Variants in NRDC observed in about 807,000 individuals in gnomAD.
NRDC encodes nardilysin convertase, also known as nardilysin.
NRDC carries 54 observed loss-of-function variants against 147.1 expected under a neutral mutation model. The ratio of observed to expected loss-of-function variants is 0.37; its 90% CI spans 0.29 to 0.46. The LOEUF is 0.46. NRDC is among the 20% of genes least tolerant of loss of function. The pLI, the probability that NRDC is intolerant of heterozygous loss-of-function variation, is 1.00. For synonymous variants in NRDC, 440 were observed against 482.1 expected, an observed-to-expected ratio of 0.91 and a Z score of 1.14; for missense variants, 1,082 against 1,370.6, an observed-to-expected ratio of 0.79 and a Z score of 3.33.
chr1:51,817,728 C>T (rs1002672889), intron 10 of NRDC, among the ~76,000 whole-genome samples: 6 of 152,130 alleles, frequency 3.9e-5, no homozygotes, highest in Middle Eastern at 3.4e-3. Flanking sequence ...TATTTTTAGT[C>T]GAGACAGGGT....
intron 1 of NRDC, among the ~76,000 whole-genome samples, chr1:51,844,411 C>T (rs745628033): frequency 2.6e-5 from 4 of 151,774 alleles, no homozygotes; most frequent in Non-Finnish European, 5.9e-5. Context: ...GATGGTACAC[C>T]AGATATGTGT....
chr1:51,835,719 A>G lies in NRDC; in HGVS notation c.712+412T>C, dbSNP rs113162344. Among the ~76,000 whole-genome samples, 307 of 151,840 alleles carry G rather than the reference A, an allele frequency of 2.0e-3. 1 individual carries two copies. The highest frequency in any genetic ancestry group is 7.3e-3 in the African/African-American group (302 of 41,404). On this transcript the variant is annotated intron_variant, in intron 3 of 30. Coordinates refer to ENST00000352171, the MANE Select transcript of NRDC (RefSeq NM_001101662.2). ...TGACTTCAAGTGATCCACCCACCTC[A>G]GCCTCCCAGAGTGCTGGGATTACAG...
In NRDC at chr1:51,790,653, T is replaced by C; in HGVS notation, c.3052-4A>G. ...TCAGCTTGATGAGAGCTGTGACCTG[T>C]TCCCACCAAAAAGAAAGATGCTCAG... is the stretch of plus-strand genomic sequence containing the variant. On this transcript the variant is annotated splice_polypyrimidine_tract_variant and splice_region_variant and intron_variant, in intron 28 of 30. Transcript: ENST00000352171. 6.3e-7 allele frequency: 1 copy of C among 1,599,418 alleles called. No individual in the cohort carries two copies. The highest frequency in any genetic ancestry group is 8.6e-7 in the Non-Finnish European group (1 of 1,166,616).
At chr1:51,820,455 A>AT (rs1193950743) in intron 8 of NRDC, among the ~76,000 whole-genome samples, 17 of 152,010 alleles carry the variant, frequency 1.1e-4, no homozygotes, top group South Asian at 2.1e-4. Context: ...AATATATGAG[A>AT]TTTTTTTTAA....
At chr1:51,815,191 T>C (rs1032981840) in intron 11 of NRDC, among the ~76,000 whole-genome samples, 3 of 150,470 alleles carry the variant, frequency 2.0e-5, no homozygotes, top group African/African-American at 7.3e-5. Flanking sequence ...TCTTTTTTTT[T>C]TTTTTTTTTT....
intron 1 of NRDC, among the ~76,000 whole-genome samples, chr1:51,874,105 C>A (rs566093279): frequency 7.1e-6 from 1 of 140,152 alleles, no homozygotes; most frequent in Non-Finnish European, 1.5e-5. Context: ...CCAGCCTGGG[C>A]GATGAATTGA....
chr1:51,842,116 C>A (rs539001316), intron 1 of NRDC, among the ~76,000 whole-genome samples: 1 of 151,826 alleles, frequency 6.6e-6, no homozygotes, highest in Non-Finnish European at 1.5e-5. Flanking sequence ...CAGGCTGCAG[C>A]GAGCCCAGAT....
At chr1:51,846,209 T>G (rs1286489173) in intron 1 of NRDC, among the ~76,000 whole-genome samples, 1 of 152,086 alleles carries the variant, frequency 6.6e-6, no homozygotes, top group African/African-American at 2.4e-5. Flanking sequence ...CTTCCCAGGT[T>G]CAAAGTGATT....
At position 51,790,907 on chromosome 1, in the gene NRDC, T is replaced by A; in HGVS notation, c.3044A>T (p.Asn1015Ile). 1 of 1,613,232 alleles carries A rather than the reference T, an allele frequency of 6.2e-7. No homozygotes were observed. The highest frequency in any genetic ancestry group is 1.1e-5 in the South Asian group (1 of 91,008). The part of the protein sequence containing the change: ...KIENLTEEAF[N>I]TQVTALIKLK... ...CCAGGCTGGCACAGTCACCTGGGTG[T>A]TGAATGCCTCTTCAGTGAGGTTCTC... Residue 1015 changes from asparagine to isoleucine, a missense_variant, in exon 28 of 31, where the codon AAC (asparagine) becomes ATC (isoleucine). By Grantham distance (149) the Asn-to-Ile change is moderately radical. Transcript: ENST00000352171.
chr1:51,804,846 T>C (rs1288254961), intron 19 of NRDC, among the ~76,000 whole-genome samples: 1 of 152,004 alleles, frequency 6.6e-6, no homozygotes, highest in Non-Finnish European at 1.5e-5. Context: ...TTCCCAAGTA[T>C]CTCCTACGTT....
chr1:51,871,707 AC>A (rs1683093975), intron 1 of NRDC, among the ~76,000 whole-genome samples: 4 of 152,020 alleles, frequency 2.6e-5, no homozygotes, highest in Admixed American at 2.6e-4. Flanking sequence ...AAATGACAAA[AC>A]AAAAAGTCAT....
intron 5 of NRDC, among the ~76,000 whole-genome samples, chr1:51,826,364 T>G (rs1157376844): frequency 6.6e-6 from 1 of 152,136 alleles, no homozygotes; most frequent in East Asian, 1.9e-4. Flanking sequence ...CTACGAAAAG[T>G]GATTTAAGAC....
chr1:51,792,166 G>A (rs1041283942), intron 25 of NRDC, 68 bp from the exon 26 acceptor site: 13 of 1,596,864 alleles, frequency 8.1e-6, no homozygotes, highest in Admixed American at 1.7e-5. Flanking sequence ...TCTCTCCCCA[G>A]AGTGTTTCAC....
At chr1:51,817,932 C>T (rs879153727) in intron 10 of NRDC, 134 bp downstream of exon 10, 28 of 644,598 alleles carry the variant, frequency 4.3e-5, no homozygotes, top group South Asian at 6.0e-5. Flanking sequence ...TGAAAGCTCC[C>T]GGAGTAATCA....
chr1:51,789,494 T>C (rs894019762), intron 30 of NRDC, 61 bp from the exon 31 acceptor site: 2 of 1,599,560 alleles, frequency 1.3e-6, no homozygotes, highest in Non-Finnish European at 1.7e-6. Flanking sequence ...GTTTAAGAGT[T>C]CTGATGATAA....
intron 1 of NRDC, among the ~76,000 whole-genome samples, chr1:51,857,756 C>G (rs538083618): frequency 3.3e-5 from 5 of 152,280 alleles, no homozygotes; most frequent in Admixed American, 6.5e-5. Context: ...TGTCCAGGAT[C>G]AGGCAGAAAC....
intron 22 of NRDC, among the ~76,000 whole-genome samples, chr1:51,797,777 T>C (rs1417455406): frequency 6.6e-6 from 1 of 152,174 alleles, no homozygotes; most frequent in African/African-American, 2.4e-5. Flanking sequence ...CTTTCTTTAT[T>C]TCTTTTCTTT....
At chr1:51,846,927 C>A (rs1681653247) in intron 1 of NRDC, among the ~76,000 whole-genome samples, 1 of 152,202 alleles carries the variant, frequency 6.6e-6, no homozygotes, top group Admixed American at 6.5e-5. Flanking sequence ...CACCTCCCCA[C>A]TAGATTAGCT....
intron 1 of NRDC, among the ~76,000 whole-genome samples, chr1:51,862,690 T>TCCAGC (rs1021148826): frequency 6.6e-6 from 1 of 151,166 alleles, no homozygotes; most frequent in African/African-American, 2.4e-5. Flanking sequence ...GACACTGCAC[T>TCCAGC]CCAGCCTAGG....
Sources: gnomAD v4.1 joint callset for allele counts (sites outside exome capture counted in the v4.1 genomes callset) on GRCh38, gnomAD v4.1.1 for gene constraint, MANE v1.5 for transcripts, NCBI Gene and HGNC (gene_info 2026-07-23, HGNC 2026-07-21) for gene names.